The following WASF2 variants were observed in gnomAD, a reference collection of about 807,000 sequenced individuals.
WASF2 encodes the protein actin-binding protein WASF2.
WASF2 carries 14 observed loss-of-function variants against 45.0 expected under a neutral mutation model. That is an observed-to-expected ratio of 0.31 (90% CI 0.21 to 0.49). WASF2 has a LOEUF of 0.49. WASF2 is among the 20% of genes least tolerant of loss of function. The pLI, the probability that WASF2 is intolerant of heterozygous loss-of-function variation, is 0.99. For missense variants in WASF2, 439 were observed against 636.1 expected, an observed-to-expected ratio of 0.69 and a Z score of 3.33; for synonymous variants, 200 against 236.3, an observed-to-expected ratio of 0.85 and a Z score of 1.41.
intron 1 of WASF2, among the ~76,000 whole-genome samples, chr1:27,472,302 G>A (rs1300748167): frequency 6.7e-6 from 1 of 148,804 alleles, no homozygotes; most frequent in Non-Finnish European, 1.5e-5. Flanking sequence ...TCCAGCCTGT[G>A]TGCCAGAGCA....
chr1:27,432,505 GGGCGCGGT>G (rs1475991069), intron 1 of WASF2, among the ~76,000 whole-genome samples: 1 of 151,638 alleles, frequency 6.6e-6, no homozygotes, highest in Non-Finnish European at 1.5e-5. Context: ...AAAATTAGCT[GGGCGCGGT>G]GGCAGGCGCC....
At chr1:27,412,790 A>T (rs1172921177) in intron 6 of WASF2, 63 bp from the exon 7 acceptor site, 29 of 1,586,564 alleles carry the variant, frequency 1.8e-5, no homozygotes, top group Non-Finnish European at 8.7e-7. Flanking sequence ...TTTTCTTCTT[A>T]AAAGGTACTA....
intron 1 of WASF2, among the ~76,000 whole-genome samples, chr1:27,445,040 C>T (rs2017293665): frequency 2.0e-5 from 3 of 152,276 alleles, no homozygotes; most frequent in Middle Eastern, 3.4e-3. Flanking sequence ...GTGTATACAA[C>T]TCTTTGAGTA....
In WASF2 at chr1:27,410,774, T is replaced by C. The variant is rs1019175300; in HGVS notation, c.825-568A>G. 2.0e-5 allele frequency among the ~76,000 whole-genome samples: 3 copies of C among 152,190 alleles called. No individual in the cohort carries two copies. The highest frequency in any genetic ancestry group is 4.4e-5 in the Non-Finnish European group (3 of 68,032). ...TAGGTGAATGCATCTTCAGTGCTCA[T>C]GTGGGGAAATCTTGAGAGAGAATGA... On this transcript the variant is annotated intron_variant, in intron 7 of 8. Coordinates refer to ENST00000618852, the MANE Select transcript of WASF2 (RefSeq NM_006990.5). The surrounding 1 kb of genome is among the most constrained non-coding windows in gnomAD (Gnocchi z 4.2).
rs1212986829 is a variant in WASF2 at position 27,410,177 on chromosome 1, C to A, written c.854G>T (p.Gly285Val). The A allele has an allele frequency of 1.2e-6, 2 of 1,613,946 alleles. No individual in the cohort carries two copies. The highest frequency in any genetic ancestry group is 2.2e-5 in the South Asian group (2 of 91,072). ...ACTGGATCTTTTGGGTCCAGCCAAACCAGATCCTCTTTGGTTGTCCACTGG... is the reference window on the plus strand; with the variant it reads ...ACTGGATCTTTTGGGTCCAGCCAAAACAGATCCTCTTTGGTTGTCCACTGG... ...SYPVDNQRGSGLAGPKRSSVV... is the reference protein window; with the variant it reads ...SYPVDNQRGSVLAGPKRSSVV... Residue 285 changes from glycine (G) to valine (V), a missense_variant, in exon 8 of 9, where the codon GGT becomes GTT. By Grantham distance (109) the Gly-to-Val change is moderately radical. Coordinates refer to ENST00000618852, the MANE Select transcript of WASF2 (RefSeq NM_006990.5). The surrounding 1 kb of genome is among the most constrained non-coding windows in gnomAD (Gnocchi z 4.2).
intron 1 of WASF2, chr1:27,459,447 G>C (rs1395709841): frequency 2.0e-5 from 3 of 151,986 alleles, no homozygotes; most frequent in Non-Finnish European, 2.9e-5. Flanking sequence ...GAGCCATCCT[G>C]CTGGGCCACA....
At chr1:27,480,604 G>C (rs539303643) in intron 1 of WASF2, among the ~76,000 whole-genome samples, 397 of 152,270 alleles carry the variant, frequency 2.6e-3, no homozygotes, top group Middle Eastern at 0.01. Context: ...GCCAGGTATG[G>C]AGGAAGGAGA....
chr1:27,466,370 A>G (rs2148134448), intron 1 of WASF2, among the ~76,000 whole-genome samples: 1 of 152,336 alleles, frequency 6.6e-6, no homozygotes, highest in Non-Finnish European at 1.5e-5. Context: ...ACATCTGGAC[A>G]TTATGAGCCT....
At chr1:27,476,857 CTG>C (rs2017773116) in intron 1 of WASF2, among the ~76,000 whole-genome samples, 1 of 152,174 alleles carries the variant, frequency 6.6e-6, no homozygotes, top group Admixed American at 6.5e-5. Flanking sequence ...GTGCAAGGCT[CTG>C]TGTGTTCAGC....
At chr1:27,460,186 A>G (rs1005290152) in intron 1 of WASF2, among the ~76,000 whole-genome samples, 2 of 152,166 alleles carry the variant, frequency 1.3e-5, no homozygotes, top group African/African-American at 4.8e-5. Flanking sequence ...AAATCCTGTT[A>G]ATAAAGATAT....
chr1:27,426,497 T>C (rs1433758375), intron 2 of WASF2, among the ~76,000 whole-genome samples: 2 of 144,016 alleles, frequency 1.4e-5, no homozygotes, highest in African/African-American at 5.1e-5. Flanking sequence ...TGTATCTCTT[T>C]AGGCAAGTTA....
At chr1:27,431,227 G>C (rs929818736) in intron 1 of WASF2, among the ~76,000 whole-genome samples, 1 of 152,208 alleles carries the variant, frequency 6.6e-6, no homozygotes. Flanking sequence ...CTAAGGAAAT[G>C]ATTTCCATTC....
intron 1 of WASF2, among the ~76,000 whole-genome samples, chr1:27,473,880 C>T (rs762335371): frequency 3.1e-4 from 47 of 152,308 alleles, no homozygotes; most frequent in Non-Finnish European, 6.6e-4. Flanking sequence ...AAGGTGGGAA[C>T]CAACTCTGGG....
At chr1:27,449,371 G>A (rs781754177) in intron 1 of WASF2, among the ~76,000 whole-genome samples, 1 of 152,058 alleles carries the variant, frequency 6.6e-6, no homozygotes, top group Non-Finnish European at 1.5e-5. Flanking sequence ...GCCAAGGAGG[G>A]CCCTATCACT....
In WASF2 at chr1:27,405,448, AG is replaced by A. The variant is rs1377712957; in HGVS notation, c.*2740del. On this transcript the variant is annotated 3_prime_UTR_variant, in exon 9 of 9. Coordinates refer to ENST00000618852, the MANE Select transcript of WASF2 (RefSeq NM_006990.5). ...AGGCTCCTTGGCTTCGGCGCTTAGG[AG>A]TCCTTATGGGCCATTGTTCCATACT... is the stretch of plus-strand genomic sequence containing the variant. The A allele has an allele frequency of 6.6e-6, 1 of 152,186 alleles. No homozygotes were observed. The allele number at this position is 152,186 out of a possible 1,614,324, so 9.4% of individuals were successfully genotyped here.
intron 1 of WASF2, among the ~76,000 whole-genome samples, chr1:27,429,770 C>G (rs1298536519): frequency 6.8e-6 from 1 of 147,918 alleles, no homozygotes; most frequent in East Asian, 2.1e-4. Context: ...GAGCAAGACT[C>G]CGTCTCAAAA....
At chr1:27,427,158 G>T (rs755532428) in intron 2 of WASF2, among the ~76,000 whole-genome samples, 36 of 152,276 alleles carry the variant, frequency 2.4e-4, no homozygotes, top group Non-Finnish European at 4.0e-4. Context: ...TAAAGGATCA[G>T]TTAGCCCCCA....
intron 1 of WASF2, among the ~76,000 whole-genome samples, chr1:27,479,009 G>A (rs1330057857): frequency 1.3e-5 from 2 of 152,068 alleles, no homozygotes; most frequent in Admixed American, 6.6e-5. Context: ...GGTTAGGGCC[G>A]GGTGTGGTGG....
At chr1:27,489,195 TG>T (rs1392812336) in intron 1 of WASF2, among the ~76,000 whole-genome samples, 7 of 151,694 alleles carry the variant, frequency 4.6e-5, no homozygotes, top group Non-Finnish European at 7.4e-5. Context: ...ACGTCCTCCT[TG>T]GAACAGCCCC....
Sources: allele counts gnomAD v4.1 joint callset (sites outside exome capture counted in the v4.1 genomes callset), GRCh38; gene constraint gnomAD v4.1.1; non-coding constraint Gnocchi (gnomAD v3.1); transcripts MANE v1.5; gene names NCBI Gene and HGNC (gene_info 2026-07-23, HGNC 2026-07-21).